The following INTS15 variants were observed in gnomAD, a reference collection of about 807,000 sequenced individuals.
INTS15 encodes integrator complex subunit 15.
the INTS15 span, chr7:6,590,605 C>G: frequency 1.2e-4 from 166 of 1,393,286 alleles, no homozygotes; most frequent in Non-Finnish European, 1.5e-4. Context: ...CTCGGCCTCG[C>G]TCCTGCAGCA....
chr7:6,591,096 A>G, the INTS15 span, among the ~76,000 whole-genome samples: 1 of 151,536 alleles, frequency 6.6e-6, no homozygotes, highest in Non-Finnish European at 1.5e-5. Flanking sequence ...CTTGGCCTCC[A>G]AAGTGTTGGA....
the INTS15 span, among the ~76,000 whole-genome samples, chr7:6,596,376 CTTTTTTTTTT>C: frequency 3.7e-5 from 4 of 107,912 alleles, no homozygotes; most frequent in Admixed American, 1.1e-4. Flanking sequence ...ATCTGTCACC[CTTTTTTTTTT>C]TTTTTTTTTT....
chr7:6,591,885 C>T, the INTS15 span: 4 of 1,606,098 alleles, frequency 2.5e-6, no homozygotes, highest in Non-Finnish European at 3.4e-6. Context: ...TCAAGAGAGA[C>T]CCTCGGCCGG....
the INTS15 span, chr7:6,600,384 T>A: frequency 1.9e-6 from 3 of 1,590,740 alleles, no homozygotes; most frequent in African/African-American, 1.3e-5. Flanking sequence ...CCAGGCCTCC[T>A]GGTGCGGGGA....
At chr7:6,607,788 G>C in the INTS15 span, 10 of 1,483,170 alleles carry the variant, frequency 6.7e-6, no homozygotes, top group Middle Eastern at 9.7e-4. The surrounding 1 kb of genome is among the most constrained non-coding windows in gnomAD (Gnocchi z 6.0). Flanking sequence ...TCGCCTGTGG[G>C]GTCCTGGCTC....
the INTS15 span, chr7:6,608,298 C>G: frequency 1.4e-6 from 2 of 1,449,832 alleles, no homozygotes; most frequent in South Asian, 2.8e-5. Context: ...CTTGGTGTCA[C>G]GGAGTCCAGG....
the INTS15 span, among the ~76,000 whole-genome samples, chr7:6,606,695 CTTTTT>C: frequency 2.9e-5 from 4 of 137,924 alleles, no homozygotes; most frequent in Admixed American, 7.3e-5. Flanking sequence ...CCCAGAGGGC[CTTTTT>C]TTTTTTTTTT....
the INTS15 span, among the ~76,000 whole-genome samples, chr7:6,595,721 C>T: frequency 1.3e-5 from 2 of 152,256 alleles, no homozygotes; most frequent in Admixed American, 6.5e-5. Context: ...CTCTGTTGCA[C>T]AGGCTGCTGG....
the INTS15 span, among the ~76,000 whole-genome samples, chr7:6,596,340 C>T: frequency 6.6e-6 from 1 of 150,732 alleles, no homozygotes; most frequent in African/African-American, 2.4e-5. Flanking sequence ...AGGCGTGAGC[C>T]ACTGCGCCCA....
At chr7:6,592,818 C>T in the INTS15 span, among the ~76,000 whole-genome samples, 4 of 151,972 alleles carry the variant, frequency 2.6e-5, no homozygotes, top group Non-Finnish European at 5.9e-5. Flanking sequence ...CCATGTTGCC[C>T]AGACTGGTCA....
the INTS15 span, chr7:6,591,858 C>T: frequency 3.7e-6 from 6 of 1,613,824 alleles, no homozygotes; most frequent in Non-Finnish European, 5.1e-6. Context: ...GTGCTGCCTC[C>T]TGGCTTCAGG....
the INTS15 span, among the ~76,000 whole-genome samples, chr7:6,599,007 C>T: frequency 2.8e-4 from 42 of 152,112 alleles, no homozygotes; most frequent in South Asian, 8.3e-4. Flanking sequence ...GGGCTGGTTT[C>T]GAACTCCTGA....
chr7:6,593,538 G>A, the INTS15 span, among the ~76,000 whole-genome samples: 1 of 151,556 alleles, frequency 6.6e-6, no homozygotes, highest in South Asian at 2.1e-4. Flanking sequence ...GTTTCACTGT[G>A]TTAGCCAGGA....
At chr7:6,605,636 C>T in the INTS15 span, among the ~76,000 whole-genome samples, 61 of 152,226 alleles carry the variant, frequency 4.0e-4, no homozygotes, top group African/African-American at 1.3e-3. Flanking sequence ...CCTGACCTCC[C>T]GGGGCAGGCC....
At chr7:6,602,394 G>GT in the INTS15 span, 1 of 497,966 alleles carries the variant, frequency 2.0e-6, no homozygotes, top group Non-Finnish European at 3.6e-6. Flanking sequence ...AGGTGCACCT[G>GT]TTGAGTGGTG....
chr7:6,606,815 C>G, the INTS15 span, among the ~76,000 whole-genome samples: 5 of 151,934 alleles, frequency 3.3e-5, no homozygotes, highest in East Asian at 9.7e-4. Flanking sequence ...AAGCAATCCT[C>G]CTGCCCCAGC....
the INTS15 span, among the ~76,000 whole-genome samples, chr7:6,604,165 G>A: frequency 2.0e-5 from 3 of 152,198 alleles, no homozygotes; most frequent in East Asian, 3.9e-4. Flanking sequence ...AAGCCTCTGC[G>A]TCCTGGGCTC....
At chr7:6,594,536 T>G in the INTS15 span, 1 of 1,614,180 alleles carries the variant, frequency 6.2e-7, no homozygotes, top group East Asian at 2.2e-5. Flanking sequence ...AGATATTCAG[T>G]GCCAGCCCGA....
At chr7:6,602,222 C>T in the INTS15 span, 4 of 1,244,028 alleles carry the variant, frequency 3.2e-6, no homozygotes, top group South Asian at 2.7e-5. Flanking sequence ...CCCCTTTGTC[C>T]TGGGTTCTTT....
Sources: allele counts gnomAD v4.1 joint callset (sites outside exome capture counted in the v4.1 genomes callset), GRCh38; gene constraint gnomAD v4.1.1; non-coding constraint Gnocchi (gnomAD v3.1); transcripts MANE v1.5; gene names NCBI Gene and HGNC (gene_info 2026-07-23, HGNC 2026-07-21).